Variants in NAA25 observed in about 807,000 individuals in gnomAD.
The protein encoded by NAA25 is N-alpha-acetyltransferase 25, NatB auxiliary subunit.
In NAA25, 30 loss-of-function variants were observed where a neutral mutation model predicts 132.5. That is an observed-to-expected ratio of 0.23 (90% confidence interval 0.17 to 0.31). NAA25 has a LOEUF of 0.31. Among genes scored for constraint, NAA25 ranks in the 10% least tolerant of loss-of-function variants. The pLI is 1.00. For synonymous variants in NAA25, 359 were observed against 401.9 expected (o/e 0.89, Z 1.28); for missense variants, 771 against 1,150.4 (o/e 0.67, Z 4.77).
chr12:112,097,989 C>G lies in NAA25; in HGVS notation c.59-4853G>C, dbSNP rs193292368. On this transcript the variant is annotated intron_variant, in intron 1 of 23. Coordinates refer to ENST00000261745, the MANE Select transcript of NAA25 (RefSeq NM_024953.4). ...TACAAAAATTAGCTGGGCTTGGTGG[C>G]GCACGCCTGTAATCCCAGCTACTTG... 3.7e-3 allele frequency among the ~76,000 whole-genome samples: 568 copies of G among 151,956 alleles called. 26 individuals are homozygous for G. Among genetic ancestry groups the G allele is most frequent in the Admixed American group, 0.032 (491 of 15,242 alleles).
chr12:112,105,096 G>A (rs982257012), intron 1 of NAA25, among the ~76,000 whole-genome samples: 1 of 151,906 alleles, frequency 6.6e-6, no homozygotes, highest in Non-Finnish European at 1.5e-5. Flanking sequence ...AAGGCAGGCA[G>A]ATTGCTTGAG....
intron 5 of NAA25, among the ~76,000 whole-genome samples, chr12:112,078,990 T>C (rs1338678695): frequency 6.6e-6 from 1 of 152,154 alleles, no homozygotes; most frequent in Non-Finnish European, 1.5e-5. Context: ...TTTAAGTCGG[T>C]TATTTATACA....
chr12:112,069,680 C>A (rs1030401305), intron 10 of NAA25, among the ~76,000 whole-genome samples: 1 of 150,918 alleles, frequency 6.6e-6, no homozygotes, highest in Non-Finnish European at 1.5e-5. Flanking sequence ...ATTAGCTGGA[C>A]GGGGTGGTGT....
At chr12:112,096,863 G>T (rs2079219219) in intron 1 of NAA25, among the ~76,000 whole-genome samples, 2 of 152,164 alleles carry the variant, frequency 1.3e-5, no homozygotes, top group South Asian at 4.1e-4. Flanking sequence ...AACCTATCTT[G>T]AAGCCTTCTC....
At chr12:112,030,210 CAAAAA>C (rs67757055) in intron 23 of NAA25, among the ~76,000 whole-genome samples, 4 of 53,378 alleles carry the variant, frequency 7.5e-5, no homozygotes, top group African/African-American at 3.4e-4. Flanking sequence ...AAAGCTGTCT[CAAAAA>C]AAAAAAAAAA....
Position 112,030,471 on chromosome 12 carries a change from A to G in NAA25, c.2797-818T>C, listed in dbSNP as rs549099828. 5.1e-4 allele frequency among the ~76,000 whole-genome samples: 78 copies of G among 152,310 alleles called. 1 individual carries two copies. The South Asian group carries it at 0.015, about 30-fold the overall frequency. ...TTTACCAACTCCATCATTTCCAGTT[A>G]CAATATTAACAAGTCTCCTCCATAT... On this transcript the variant is annotated intron_variant, in intron 23 of 23. Transcript: ENST00000261745.
chr12:112,047,647 G>T lies in NAA25; in HGVS notation c.2006+18C>A. The T allele has an allele frequency of 6.2e-7, 1 of 1,604,616 alleles. No homozygotes were observed. The highest frequency in any genetic ancestry group is 8.5e-7 in the Non-Finnish European group (1 of 1,177,482). ...AAACAAAAACTTTAAAAATTGCTTG[G>T]GGTTAAATTCCAGTTACCTGTCTTT... On this transcript the variant is annotated intron_variant, in intron 17 of 23. Coordinates refer to ENST00000261745, the MANE Select transcript of NAA25 (RefSeq NM_024953.4).
At chr12:112,074,867 A>G (rs1440457512) in intron 8 of NAA25, 103 bp from the exon 9 acceptor site, 1 of 802,942 alleles carries the variant, frequency 1.2e-6, no homozygotes, top group East Asian at 2.7e-5. Flanking sequence ...ATATTTTAGT[A>G]TGTAGTAGGT....
intron 9 of NAA25, 101 bp downstream of exon 9, chr12:112,074,574 T>G (rs1464491797): frequency 1.6e-6 from 1 of 630,666 alleles, no homozygotes; most frequent in Non-Finnish European, 2.7e-6. Context: ...AGGAATACTT[T>G]ATTGAGACAG....
At chr12:112,095,298 A>G (rs1566033621) in intron 1 of NAA25, among the ~76,000 whole-genome samples, 1 of 151,784 alleles carries the variant, frequency 6.6e-6, no homozygotes, top group Non-Finnish European at 1.5e-5. Flanking sequence ...TTAGCCGGGC[A>G]TGGTGGCGGG....
At chr12:112,073,529 C>T (rs897194428) in intron 9 of NAA25, among the ~76,000 whole-genome samples, 6 of 152,124 alleles carry the variant, frequency 3.9e-5, no homozygotes, top group East Asian at 1.9e-4. Flanking sequence ...CTCCGCCTCC[C>T]GGGTTCACGC....
At chr12:112,073,594 G>A (rs1294344236) in intron 9 of NAA25, among the ~76,000 whole-genome samples, 1 of 151,906 alleles carries the variant, frequency 6.6e-6, no homozygotes, top group Admixed American at 6.6e-5. Context: ...CCGCCACCAC[G>A]CCCAGCTAAT....
chr12:112,051,876 C>T (rs541159026), intron 15 of NAA25, among the ~76,000 whole-genome samples: 2 of 152,242 alleles, frequency 1.3e-5, no homozygotes, highest in Non-Finnish European at 1.5e-5. Flanking sequence ...AAATTAAAGC[C>T]TAATTCTGAT....
intron 22 of NAA25, among the ~76,000 whole-genome samples, chr12:112,036,803 T>C (rs555936043): frequency 6.7e-6 from 1 of 149,600 alleles, no homozygotes; most frequent in Admixed American, 6.7e-5. Flanking sequence ...ATTGCGCCAT[T>C]GCACTCCAGC....
At chr12:112,092,968 G>C (rs1374984715) in intron 2 of NAA25, 83 bp downstream of exon 2, 2 of 960,146 alleles carry the variant, frequency 2.1e-6, no homozygotes, top group Admixed American at 4.5e-5. Flanking sequence ...GAGCCACCAT[G>C]CCCGGCCCTC....
At chr12:112,054,051 TG>T (rs2078508450) in intron 14 of NAA25, among the ~76,000 whole-genome samples, 1 of 152,230 alleles carries the variant, frequency 6.6e-6, no homozygotes, top group African/African-American at 2.4e-5. Context: ...ATTCAAACTT[TG>T]TTGAGGTCAA....
chr12:112,033,496 T>C, intron 22 of NAA25, 117 bp from the exon 23 acceptor site: 1 of 924,824 alleles, frequency 1.1e-6, no homozygotes, highest in Non-Finnish European at 1.5e-6. Flanking sequence ...AAACCAGTGG[T>C]TTCAAGTGAA....
intron 14 of NAA25, among the ~76,000 whole-genome samples, chr12:112,054,004 T>C (rs893161197): frequency 6.6e-6 from 1 of 152,056 alleles, no homozygotes; most frequent in Non-Finnish European, 1.5e-5. Flanking sequence ...ACTAGCATAA[T>C]AATAAAGAGT....
intron 9 of NAA25, among the ~76,000 whole-genome samples, chr12:112,074,340 T>TCAAA (rs2078862835): frequency 2.1e-5 from 1 of 48,588 alleles, no homozygotes; most frequent in East Asian, 3.5e-3. Flanking sequence ...AAACTCCATC[T>TCAAA]CAAAAAAAAA....
Sources: gnomAD v4.1 joint callset for allele counts (sites outside exome capture counted in the v4.1 genomes callset) on GRCh38, gnomAD v4.1.1 for gene constraint, MANE v1.5 for transcripts, NCBI Gene and HGNC (gene_info 2026-07-23, HGNC 2026-07-21) for gene names.